The following NAA15 variants were observed in gnomAD, a reference collection of about 807,000 sequenced individuals.
The protein encoded by NAA15 is N-terminal acetyltransferase.
NAA15 carries 34 observed loss-of-function variants against 114.0 expected under a neutral mutation model. The ratio of observed to expected loss-of-function variants is 0.30; its 90% CI spans 0.23 to 0.40. The LOEUF (loss-of-function observed/expected upper bound fraction) is 0.40, where lower values mean the gene tolerates loss of function less well. NAA15 is among the 10% of genes least tolerant of loss of function. NAA15 has a pLI of 1.00. For synonymous variants in NAA15, 340 were observed against 338.0 expected (o/e 1.01, Z -0.06); for missense variants, 658 against 1,004.5 (o/e 0.66, Z 4.66).
chr4:139,332,767 A>T (rs1747064590), intron 1 of NAA15, among the ~76,000 whole-genome samples: 1 of 151,268 alleles, frequency 6.6e-6, no homozygotes, highest in Admixed American at 6.6e-5. Flanking sequence ...TTTTTAGTGG[A>T]GACAGGGTTT....
intron 1 of NAA15, among the ~76,000 whole-genome samples, chr4:139,333,586 T>C (rs1747101629): frequency 6.6e-6 from 1 of 152,216 alleles, no homozygotes; most frequent in African/African-American, 2.4e-5. Context: ...AAATGTTCTT[T>C]AGAAAACTAG....
At chr4:139,384,228 A>G (rs971268428) in intron 17 of NAA15, among the ~76,000 whole-genome samples, 1 of 152,164 alleles carries the variant, frequency 6.6e-6, no homozygotes, top group African/African-American at 2.4e-5. Context: ...TGTAATCCCA[A>G]CACTTTGGGA....
intron 1 of NAA15, among the ~76,000 whole-genome samples, chr4:139,322,145 C>A (rs962350659): frequency 6.6e-6 from 1 of 152,108 alleles, no homozygotes; most frequent in Non-Finnish European, 1.5e-5. Context: ...TGTCCCCACC[C>A]AAATCTTATC....
chr4:139,374,947 T>C (rs1748542479), intron 15 of NAA15, among the ~76,000 whole-genome samples: 1 of 152,226 alleles, frequency 6.6e-6, no homozygotes, highest in Non-Finnish European at 1.5e-5. Context: ...TTACCTGCCC[T>C]ATAGTCCTTG....
At chr4:139,373,664 C>T (rs770114901) in intron 15 of NAA15, among the ~76,000 whole-genome samples, 2 of 151,650 alleles carry the variant, frequency 1.3e-5, no homozygotes, top group East Asian at 1.9e-4. Flanking sequence ...CTATCTTCCT[C>T]CTTGCCTTCA....
intron 18 of NAA15, 131 bp from the exon 19 acceptor site, chr4:139,386,002 C>A: frequency 1.9e-6 from 1 of 520,792 alleles, no homozygotes; most frequent in Non-Finnish European, 3.4e-6. Flanking sequence ...TCTCAAGTAG[C>A]TGTTCCCATT....
intron 11 of NAA15, among the ~76,000 whole-genome samples, chr4:139,358,104 G>T (rs1344599519): frequency 6.6e-6 from 1 of 151,932 alleles, no homozygotes; most frequent in African/African-American, 2.4e-5. Flanking sequence ...GCTCTTGAGG[G>T]ACTGATAATA....
chr4:139,385,648 G>T (rs561992271), intron 18 of NAA15, among the ~76,000 whole-genome samples: 13 of 152,154 alleles, frequency 8.5e-5, no homozygotes, highest in Admixed American at 7.2e-4. Flanking sequence ...GACCTTTATG[G>T]GACCATGTGG....
intron 12 of NAA15, among the ~76,000 whole-genome samples, chr4:139,360,102 A>C (rs183869991): frequency 7.9e-5 from 12 of 152,312 alleles, no homozygotes; most frequent in Non-Finnish European, 1.5e-5. Flanking sequence ...ATGGACTTTT[A>C]AACTGGTTTA....
At chr4:139,341,593 CAAAAAAAAAAAAA>C (rs751688160) in intron 4 of NAA15, among the ~76,000 whole-genome samples, 13 of 14,436 alleles carry the variant, frequency 9.0e-4, no homozygotes, top group Admixed American at 1.6e-3. Flanking sequence ...AACTCTGTCT[CAAAAAAAAAAAAA>C]AAAAAAAAAA....
intron 19 of NAA15, 32 bp downstream of exon 19, chr4:139,386,262 A>G: frequency 8.3e-7 from 1 of 1,208,446 alleles, no homozygotes; most frequent in South Asian, 1.3e-5. Flanking sequence ...CTCTGTAAGA[A>G]TACTTAACTA....
At chr4:139,323,393 C>T (rs528129430) in intron 1 of NAA15, among the ~76,000 whole-genome samples, 65 of 152,180 alleles carry the variant, frequency 4.3e-4, no homozygotes, top group African/African-American at 1.4e-3. Flanking sequence ...GGGGTTTTGC[C>T]ATGTTGGCCA....
chr4:139,342,160 T>G (rs1747423955), intron 4 of NAA15, among the ~76,000 whole-genome samples: 1 of 152,232 alleles, frequency 6.6e-6, no homozygotes, highest in South Asian at 2.1e-4. Flanking sequence ...ATGTTAACTC[T>G]GTAGTTGGAC....
At chr4:139,368,209 G>A (rs1356305797) in intron 14 of NAA15, among the ~76,000 whole-genome samples, 1 of 152,166 alleles carries the variant, frequency 6.6e-6, no homozygotes, top group African/African-American at 2.4e-5. Flanking sequence ...TTATCTGACT[G>A]TTACTATGTG....
intron 15 of NAA15, among the ~76,000 whole-genome samples, chr4:139,374,196 A>G (rs1748521871): frequency 6.6e-6 from 1 of 152,170 alleles, no homozygotes; most frequent in Non-Finnish European, 1.5e-5. Context: ...CAGTTTATAA[A>G]TTTAAAAATT....
chr4:139,350,471 G>A (rs1747739871), intron 7 of NAA15, among the ~76,000 whole-genome samples: 1 of 152,130 alleles, frequency 6.6e-6, no homozygotes, highest in Non-Finnish European at 1.5e-5. Flanking sequence ...ATTCAGACGT[G>A]GTCCCCCAGT....
chr4:139,339,925 A>C (rs1328928828), intron 3 of NAA15, among the ~76,000 whole-genome samples: 1 of 152,214 alleles, frequency 6.6e-6, no homozygotes, highest in Non-Finnish European at 1.5e-5. Context: ...CCTTGATAGC[A>C]GTTTTTACAA....
chr4:139,370,545 T>G, intron 15 of NAA15, 141 bp downstream of exon 15: 1 of 707,450 alleles, frequency 1.4e-6, no homozygotes, highest in Admixed American at 4.0e-5. Context: ...TTTAGTATTC[T>G]TTCTTTAATA....
intron 16 of NAA15, among the ~76,000 whole-genome samples, chr4:139,377,512 T>A (rs1748622765): frequency 6.6e-6 from 1 of 150,616 alleles, no homozygotes; most frequent in Non-Finnish European, 1.5e-5. Context: ...CACTCCAGCC[T>A]GGGAAACAAG....
Sources: gnomAD v4.1 joint callset for allele counts (sites outside exome capture counted in the v4.1 genomes callset) on GRCh38, gnomAD v4.1.1 for gene constraint, MANE v1.5 for transcripts, NCBI Gene and HGNC (gene_info 2026-07-23, HGNC 2026-07-21) for gene names.